The following EBF1 variants were observed in gnomAD, a reference collection of about 807,000 sequenced individuals.
The protein encoded by EBF1 is EBF transcription factor 1, also known as transcription factor COE1.
A neutral mutation model predicts 68.4 loss-of-function variants in EBF1; 10 were observed. The observed-to-expected ratio is 0.15, with a 90% CI of 0.09 to 0.25. The LOEUF is 0.25. Among genes scored for constraint, EBF1 ranks in the 10% least tolerant of loss-of-function variants. The pLI is 1.00. For missense variants in EBF1, 509 were observed against 794.4 expected (o/e 0.64, Z 4.32); for synonymous variants, 298 against 299.8 (o/e 0.99, Z 0.06).
intron 6 of EBF1, among the ~76,000 whole-genome samples, chr5:158,865,677 T>C (rs949381729): frequency 1.3e-5 from 2 of 152,176 alleles, no homozygotes; most frequent in Non-Finnish European, 2.9e-5. Context: ...ATAGCAGCCA[T>C]TTACAGTTCT....
chr5:159,002,666 T>C (rs1762770818), intron 6 of EBF1, among the ~76,000 whole-genome samples: 1 of 152,216 alleles, frequency 6.6e-6, no homozygotes, highest in Non-Finnish European at 1.5e-5. Flanking sequence ...ATAGTTTTTA[T>C]ATATATAGAA....
chr5:159,035,127 GAA>G (rs1769772926), intron 6 of EBF1, among the ~76,000 whole-genome samples: 1 of 152,030 alleles, frequency 6.6e-6, no homozygotes, highest in Non-Finnish European at 1.5e-5. Flanking sequence ...GAAAGAGAAA[GAA>G]AGAGAGAGAG....
intron 6 of EBF1, among the ~76,000 whole-genome samples, chr5:158,940,777 C>CCCCCCCCCCCCT (rs1554083360): frequency 5.8e-5 from 3 of 51,556 alleles, no homozygotes; most frequent in Non-Finnish European, 1.4e-4. Flanking sequence ...CCCCCCCCCC[C>CCCCCCCCCCCCT]CCGCAGGTCA....
In EBF1 at chr5:158,951,633, A is replaced by G. The variant is rs940824334; in HGVS notation, c.555-111523T>C. ...CTAAGTAGGCCCTAGTGCATGAAAT[A>G]TATTCTCAACCACAAGGACAAGCTG... On this transcript the variant is annotated intron_variant, in intron 6 of 15. Transcript: ENST00000313708. 2.6e-5 allele frequency among the ~76,000 whole-genome samples: 4 copies of G among 152,210 alleles called. No individual in the cohort carries two copies. In the South Asian group the frequency reaches 8.3e-4, roughly 32 times the overall value.
At chr5:158,813,827 T>C (rs1783166582) in intron 8 of EBF1, among the ~76,000 whole-genome samples, 1 of 152,166 alleles carries the variant, frequency 6.6e-6, no homozygotes, top group Non-Finnish European at 1.5e-5. Context: ...AATCAACCCC[T>C]GGCCACTGCT....
chr5:159,006,925 C>A (rs1049252908), intron 6 of EBF1, among the ~76,000 whole-genome samples: 4 of 152,156 alleles, frequency 2.6e-5, no homozygotes, highest in Non-Finnish European at 4.4e-5. Context: ...TTTAAAAACT[C>A]TTCCTATTTA....
At chr5:159,006,454 G>A (rs907795117) in intron 6 of EBF1, among the ~76,000 whole-genome samples, 4 of 151,920 alleles carry the variant, frequency 2.6e-5, no homozygotes, top group Middle Eastern at 3.4e-3. Context: ...GCTATAGGGG[G>A]CATATGAGTG....
chr5:158,849,578 T>C (rs1434833677), intron 6 of EBF1, among the ~76,000 whole-genome samples: 1 of 152,238 alleles, frequency 6.6e-6, no homozygotes, highest in Non-Finnish European at 1.5e-5. Flanking sequence ...GCTTGTATAA[T>C]GGTCTGCCCC....
chr5:158,810,242 A>C (rs908773439), intron 8 of EBF1, among the ~76,000 whole-genome samples: 9 of 152,308 alleles, frequency 5.9e-5, no homozygotes, highest in Non-Finnish European at 1.3e-4. Context: ...CTCACCCACC[A>C]GCCCACGGAT....
At chr5:158,866,497 C>G (rs1364266090) in intron 6 of EBF1, among the ~76,000 whole-genome samples, 1 of 152,064 alleles carries the variant, frequency 6.6e-6, no homozygotes, top group Non-Finnish European at 1.5e-5. Flanking sequence ...CCAATTATTA[C>G]TATTAATGTA....
At position 158,970,270 on chromosome 5, in the gene EBF1, T is replaced by C. The variant is rs148433193; in HGVS notation, c.554+103126A>G. ...GTTTATTTTTCCCATAAACCACCGG[T>C]TTCATAGAAACTCATTAGCATCACC... On this transcript the variant is annotated intron_variant, in intron 6 of 15. Coordinates refer to ENST00000313708, the MANE Select transcript of EBF1 (RefSeq NM_024007.5). 1.1e-4 allele frequency among the ~76,000 whole-genome samples: 17 copies of C among 152,240 alleles called. No homozygotes were observed. The East Asian group carries it at 3.3e-3, about 29-fold the overall frequency.
intron 2 of EBF1, 101 bp downstream of exon 2, chr5:159,096,873 A>T (rs1782717960): frequency 1.4e-6 from 2 of 1,436,352 alleles, no homozygotes; most frequent in Admixed American, 2.1e-5. Context: ...GAAGTGTGTT[A>T]TGGATGCTTT....
chr5:158,791,246 G>A (rs1229034004), intron 9 of EBF1, among the ~76,000 whole-genome samples: 1 of 149,938 alleles, frequency 6.7e-6, no homozygotes, highest in Non-Finnish European at 1.5e-5. Context: ...TTGAACCTGG[G>A]AAGTGGAGGT....
chr5:158,864,407 C>T (rs1223745368), intron 6 of EBF1, among the ~76,000 whole-genome samples: 1 of 152,040 alleles, frequency 6.6e-6, no homozygotes. Context: ...ATGAGGTGCT[C>T]ACAGACTACG....
chr5:158,742,343 G>C (rs973696037), intron 10 of EBF1, among the ~76,000 whole-genome samples: 3 of 152,142 alleles, frequency 2.0e-5, no homozygotes, highest in Admixed American at 6.5e-5. Context: ...CTGCAGCCAG[G>C]CTACATAATT....
intron 6 of EBF1, among the ~76,000 whole-genome samples, chr5:158,990,465 G>A (rs1233022969): frequency 1.3e-5 from 2 of 152,362 alleles, no homozygotes; most frequent in South Asian, 4.1e-4. Flanking sequence ...AATAAGACAG[G>A]CCTTGAACTA....
chr5:158,848,739 G>A (rs1048496879), intron 6 of EBF1, among the ~76,000 whole-genome samples: 2 of 152,192 alleles, frequency 1.3e-5, no homozygotes, highest in African/African-American at 2.4e-5. Flanking sequence ...CAGTACATAT[G>A]TGTTTAGCAT....
Position 158,768,858 on chromosome 5 carries a change from G to A in EBF1, c.1036+8555C>T, listed in dbSNP as rs10071677. Among the ~76,000 whole-genome samples the A allele has an allele frequency of 7.7e-3, 1,167 of 152,002 alleles. 22 individuals carry two copies. The highest frequency in any genetic ancestry group is 0.027 in the African/African-American group (1,111 of 41,458). On this transcript the variant is annotated intron_variant, in intron 10 of 15. Coordinates refer to ENST00000313708, the MANE Select transcript of EBF1 (RefSeq NM_024007.5). ...GAAGGGTTAATTTATCATGATGTTC[G>A]GTTTAAAAAAAGTGAAAACTTGAAT...
chr5:158,888,689 C>G (rs956120324), intron 6 of EBF1, among the ~76,000 whole-genome samples: 2 of 151,952 alleles, frequency 1.3e-5, no homozygotes, highest in East Asian at 3.9e-4. Context: ...AAACAATAAC[C>G]AAAAAGGTTT....
Sources: gnomAD v4.1 joint callset for allele counts (sites outside exome capture counted in the v4.1 genomes callset) on GRCh38, gnomAD v4.1.1 for gene constraint, MANE v1.5 for transcripts, NCBI Gene and HGNC (gene_info 2026-07-23, HGNC 2026-07-21) for gene names.